The following KALRN variants were observed in gnomAD, a reference collection of about 807,000 sequenced individuals.
The protein encoded by KALRN is kalirin RhoGEF kinase, also known as kalirin.
In KALRN, 70 loss-of-function variants were observed where a neutral mutation model predicts 353.7. The ratio of observed to expected loss-of-function variants is 0.20; its 90% confidence interval spans 0.16 to 0.24. The LOEUF (loss-of-function observed/expected upper bound fraction) is 0.24. KALRN is among the 10% of genes least tolerant of loss of function. KALRN has a pLI of 1.00. For missense variants in KALRN, 2,791 were observed against 3,756.7 expected (o/e 0.74, Z 6.72); for synonymous variants, 1,391 against 1,434.8 (o/e 0.97, Z 0.69).
At chr3:124,524,217 AG>A (rs2067394537) in intron 33 of KALRN, among the ~76,000 whole-genome samples, 1 of 152,214 alleles carries the variant, frequency 6.6e-6, no homozygotes, top group African/African-American at 2.4e-5. Context: ...GCTCAAAGAA[AG>A]CTAGTTGATG....
At chr3:124,242,579 A>G (rs2148662808) in intron 3 of KALRN, among the ~76,000 whole-genome samples, 1 of 152,332 alleles carries the variant, frequency 6.6e-6, no homozygotes, top group Non-Finnish European at 1.5e-5. Flanking sequence ...ACAATGGAAG[A>G]GGGCGGTAGG....
At chr3:124,341,582 G>C (rs2081720379) in intron 9 of KALRN, among the ~76,000 whole-genome samples, 1 of 152,228 alleles carries the variant, frequency 6.6e-6, no homozygotes, top group Non-Finnish European at 1.5e-5. Flanking sequence ...AGAACTTTGA[G>C]TGTAGACTGA....
chr3:124,154,201 A>G (rs1259580032), intron 1 of KALRN, among the ~76,000 whole-genome samples: 1 of 152,204 alleles, frequency 6.6e-6, no homozygotes, highest in African/African-American at 2.4e-5. Context: ...AAATTGGCAC[A>G]AGACAGGGAT....
At chr3:124,429,639 G>T (rs1560911566) in intron 15 of KALRN, among the ~76,000 whole-genome samples, 1 of 152,152 alleles carries the variant, frequency 6.6e-6, no homozygotes. Flanking sequence ...TTATTAGCTG[G>T]ATAATTGCCA....
chr3:124,205,303 A>G (rs1270151595), intron 1 of KALRN, among the ~76,000 whole-genome samples: 2 of 152,202 alleles, frequency 1.3e-5, no homozygotes, highest in South Asian at 2.1e-4. Context: ...AGAAACCAGA[A>G]CAAGCAGGCT....
intron 6 of KALRN, among the ~76,000 whole-genome samples, chr3:124,303,058 T>C (rs1161738660): frequency 1.3e-5 from 2 of 152,150 alleles, no homozygotes; most frequent in Non-Finnish European, 2.9e-5. Flanking sequence ...AAAGAAATAA[T>C]TGCATATCAT....
intron 48 of KALRN, among the ~76,000 whole-genome samples, chr3:124,673,217 T>G (rs1029095639): frequency 2.5e-5 from 3 of 119,774 alleles, no homozygotes; most frequent in Non-Finnish European, 3.3e-5. Flanking sequence ...AGAACTCATC[T>G]CTAATAAAAC....
intron 28 of KALRN, among the ~76,000 whole-genome samples, chr3:124,483,436 CA>C (rs999292019): frequency 3.3e-5 from 5 of 152,132 alleles, no homozygotes; most frequent in Non-Finnish European, 7.3e-5. Flanking sequence ...CCTGTAATCC[CA>C]ATTACTCGGG....
In KALRN at chr3:124,719,691, G is replaced by A; in HGVS notation, c.*221G>A. 1.9e-6 allele frequency: 1 copy of A among 529,532 alleles called. No homozygotes were observed. Among genetic ancestry groups the A allele is most frequent in the Non-Finnish European group, 3.4e-6 (1 of 296,580 alleles). 32.8% of individuals were successfully genotyped at this position (529,532 alleles called of 1,614,324 possible). A position where few individuals can be genotyped will look rare whatever the true frequency, so the allele number is the denominator to read the frequency against. ...CAGAAGGTCATTCTGAAGAAATAAA[G>A]AGGCAAAGGGTCACAGAAGTGTTCA... On this transcript the variant is annotated 3_prime_UTR_variant, in exon 60 of 60. Coordinates refer to ENST00000682506, the MANE Select transcript of KALRN (RefSeq NM_001388419.1). This position sits in a 1 kb window ranked among gnomAD's most constrained non-coding sequence, Gnocchi z 5.3.
intron 1 of KALRN, among the ~76,000 whole-genome samples, chr3:124,089,640 C>T (rs1452244541): frequency 1.4e-5 from 2 of 144,792 alleles, no homozygotes; most frequent in African/African-American, 5.1e-5. Flanking sequence ...ATATTTCCAG[C>T]TTTTTTTTTT....
rs541351656 is a variant in KALRN at position 124,303,922 on chromosome 3, T to A, written c.1092+5009T>A. On this transcript the variant is annotated intron_variant, in intron 6 of 59. Transcript: ENST00000682506. ...TACAAATGACAGCACCAAGGAAAAA[T>A]CAGATCTGGTATGAGAAAAATCAAG... Among the ~76,000 whole-genome samples, 22 of 152,058 alleles carry A rather than the reference T, an allele frequency of 1.4e-4. No individual in the cohort carries two copies. The East Asian group carries it at 4.3e-3, about 29-fold the overall frequency.
At chr3:124,522,611 T>G (rs960210035) in intron 33 of KALRN, among the ~76,000 whole-genome samples, 10 of 152,180 alleles carry the variant, frequency 6.6e-5, no homozygotes, top group Admixed American at 6.5e-4. Context: ...GAAGGATTGT[T>G]AAAGCACAGA....
At chr3:124,487,496 C>T (rs1364860774) in intron 28 of KALRN, among the ~76,000 whole-genome samples, 1 of 152,186 alleles carries the variant, frequency 6.6e-6, no homozygotes, top group Non-Finnish European at 1.5e-5. Context: ...GACCTGGATT[C>T]AGGCCCCTGC....
At chr3:124,199,708 G>A (rs2075784020) in intron 1 of KALRN, among the ~76,000 whole-genome samples, 1 of 152,178 alleles carries the variant, frequency 6.6e-6, no homozygotes, top group Non-Finnish European at 1.5e-5. Flanking sequence ...CTCCATTGGA[G>A]GGGTATGTGG....
chr3:124,104,988 G>A (rs566248824), intron 1 of KALRN, among the ~76,000 whole-genome samples: 2 of 152,320 alleles, frequency 1.3e-5, no homozygotes, highest in South Asian at 4.1e-4. Flanking sequence ...GCACACAAGA[G>A]GGAGCAAGGG....
chr3:124,649,297 G>A lies in KALRN; in HGVS notation c.5665-1511G>A, dbSNP rs142025619. On this transcript the variant is annotated intron_variant, in intron 37 of 59. Transcript: ENST00000682506. Reference sequence around the variant, plus strand: ...CTATGTTAAAATAGAGCAACTGAGAGCATCATGACAATACTCCAAGTGCAG... The same window carrying A: ...CTATGTTAAAATAGAGCAACTGAGAACATCATGACAATACTCCAAGTGCAG... 2.0e-5 allele frequency among the ~76,000 whole-genome samples: 3 copies of A among 152,276 alleles called. No individual in the cohort carries two copies. In the East Asian group the frequency reaches 5.8e-4, roughly 29 times the overall value.
intron 1 of KALRN, among the ~76,000 whole-genome samples, chr3:124,057,198 T>C (rs569036176): frequency 1.3e-5 from 2 of 152,306 alleles, no homozygotes; most frequent in East Asian, 3.9e-4. Flanking sequence ...GACCATATCC[T>C]GTACTTTTTC....
intron 34 of KALRN, among the ~76,000 whole-genome samples, chr3:124,626,205 A>C (rs1258955767): frequency 6.6e-6 from 1 of 152,238 alleles, no homozygotes; most frequent in Non-Finnish European, 1.5e-5. Context: ...TATAAACTAT[A>C]AAACACAAAA....
At chr3:124,390,102 C>A (rs1298048614) in intron 11 of KALRN, among the ~76,000 whole-genome samples, 1 of 152,150 alleles carries the variant, frequency 6.6e-6, no homozygotes, top group African/African-American at 2.4e-5. Flanking sequence ...GTCTGGAGAG[C>A]TAGAGCAAGT....
Sources: allele counts gnomAD v4.1 joint callset (sites outside exome capture counted in the v4.1 genomes callset), GRCh38; gene constraint gnomAD v4.1.1; non-coding constraint Gnocchi (gnomAD v3.1); transcripts MANE v1.5; gene names NCBI Gene and HGNC (gene_info 2026-07-23, HGNC 2026-07-21).